Variants in RBFOX1 observed in about 807,000 individuals in gnomAD.
RBFOX1 encodes RNA binding protein fox-1 homolog 1.
A neutral mutation model predicts 57.7 loss-of-function variants in RBFOX1; 8 were observed. The ratio of observed to expected loss-of-function variants is 0.14; its 90% CI spans 0.08 to 0.25. The LOEUF (loss-of-function observed/expected upper bound fraction) is 0.25. Ranked by LOEUF, RBFOX1 falls within the 10% of genes least tolerant of loss-of-function variation. RBFOX1 has a pLI of 1.00. For missense variants in RBFOX1, 611 were observed against 548.5 expected (o/e 1.11, Z -1.14); for synonymous variants, 326 against 222.4 (o/e 1.47, Z -4.15).
At chr16:7,562,878 GT>G (rs913717032) in intron 5 of RBFOX1, among the ~76,000 whole-genome samples, 1 of 152,198 alleles carries the variant, frequency 6.6e-6, no homozygotes, top group Non-Finnish European at 1.5e-5. Context: ...GAGGAAGAGA[GT>G]TTTAATCTCA....
chr16:7,705,819 GTCA>G (rs1173227380), intron 14 of RBFOX1, among the ~76,000 whole-genome samples: 6 of 152,142 alleles, frequency 3.9e-5, no homozygotes, highest in African/African-American at 1.4e-4. Context: ...TATTAGTGTA[GTCA>G]TCATGTGCAT....
chr16:5,888,152 C>T (rs888638467), intron 4 of RBFOX1, among the ~76,000 whole-genome samples: 9 of 152,132 alleles, frequency 5.9e-5, no homozygotes, highest in Admixed American at 6.6e-5. Flanking sequence ...CTTTCTCAGC[C>T]ACTGTGGTGT....
In RBFOX1 at chr16:6,097,076, C is replaced by T. The variant is rs925035238; in HGVS notation, c.-127+77084C>T. On this transcript the variant is annotated intron_variant, in intron 1 of 15. Coordinates refer to ENST00000550418, the MANE Select transcript of RBFOX1 (RefSeq NM_018723.4). The surrounding 1 kb of genome is among the most constrained non-coding windows in gnomAD (Gnocchi z 5.0). ...GGGGTGGTTTCCCCCATACTGTTGTCATGGTGGTGAGTAAGTCTTACTAGA... is the reference window on the plus strand; with the variant it reads ...GGGGTGGTTTCCCCCATACTGTTGTTATGGTGGTGAGTAAGTCTTACTAGA... Among the ~76,000 whole-genome samples, 1 of 152,118 alleles carries T rather than the reference C, an allele frequency of 6.6e-6. No individual in the cohort carries two copies. The highest frequency in any genetic ancestry group is 1.5e-5 in the Non-Finnish European group (1 of 68,030).
At chr16:5,826,639 A>C (rs1242590017) in intron 3 of RBFOX1, among the ~76,000 whole-genome samples, 1 of 152,228 alleles carries the variant, frequency 6.6e-6, no homozygotes, top group Non-Finnish European at 1.5e-5. Flanking sequence ...GCTAACCTCT[A>C]CTTTATGCTC....
chr16:7,395,434 G>C (rs1257868067), intron 4 of RBFOX1, among the ~76,000 whole-genome samples: 1 of 152,222 alleles, frequency 6.6e-6, no homozygotes, highest in Admixed American at 6.5e-5. Flanking sequence ...ATTAACTGTG[G>C]AGCCAGAAGT....
chr16:5,534,838 A>G (rs1312085903), intron 2 of RBFOX1, among the ~76,000 whole-genome samples: 2 of 152,202 alleles, frequency 1.3e-5, no homozygotes, highest in East Asian at 3.8e-4. Context: ...ACCTAACATC[A>G]ACTATCACAC....
chr16:7,709,179 C>G (rs746446537), intron 15 of RBFOX1, 48 bp downstream of exon 15: 4 of 1,522,416 alleles, frequency 2.6e-6, no homozygotes, highest in South Asian at 2.3e-5. Context: ...CCTCCCTTCC[C>G]TTTCCCCAGC....
intron 2 of RBFOX1, among the ~76,000 whole-genome samples, chr16:6,543,398 T>C (rs927422638): frequency 6.6e-6 from 1 of 152,144 alleles, no homozygotes; most frequent in African/African-American, 2.4e-5. Flanking sequence ...CCACTGAGAC[T>C]CTGCGCACCT....
chr16:5,365,998 A>G, intron 1 of RBFOX1: 1 of 500,248 alleles, frequency 2.0e-6, no homozygotes, highest in South Asian at 1.5e-5. Context: ...GTGAATTAGA[A>G]GGCAGTCCAA....
chr16:6,747,010 A>AG (rs1453839603), intron 3 of RBFOX1, among the ~76,000 whole-genome samples: 2 of 152,102 alleles, frequency 1.3e-5, no homozygotes, highest in East Asian at 3.9e-4. Flanking sequence ...CCCTCACCAC[A>AG]GATTATTGAG....
At chr16:6,015,767 C>G (rs2094989901), upstream of RBFOX1, among the ~76,000 whole-genome samples, 1 of 152,180 alleles carries the variant, frequency 6.6e-6, no homozygotes, top group South Asian at 2.1e-4. Context: ...AATGCTTTGC[C>G]TGACCTTCTG....
intron 4 of RBFOX1, among the ~76,000 whole-genome samples, chr16:7,437,095 C>T (rs377365914): frequency 6.6e-6 from 1 of 152,046 alleles, no homozygotes; most frequent in Non-Finnish European, 1.5e-5. Flanking sequence ...AATCTCCTGA[C>T]ACCAGAAAGC....
At chr16:6,195,025 G>A (rs2097170728) in intron 1 of RBFOX1, among the ~76,000 whole-genome samples, 3 of 152,056 alleles carry the variant, frequency 2.0e-5, no homozygotes, top group East Asian at 1.9e-4. Context: ...ATTACTCTAG[G>A]CCAGTTTTTC....
chr16:7,230,409 C>T (rs1225846788), intron 4 of RBFOX1, among the ~76,000 whole-genome samples: 1 of 152,108 alleles, frequency 6.6e-6, no homozygotes, highest in African/African-American at 2.4e-5. Context: ...CCATAGTTAA[C>T]TTATTCATCT....
At chr16:6,320,048 A>G (rs2081580349) in intron 2 of RBFOX1, among the ~76,000 whole-genome samples, 2 of 152,136 alleles carry the variant, frequency 1.3e-5, no homozygotes, top group Non-Finnish European at 2.9e-5. Context: ...CGTCAATTTC[A>G]AAAGCATACT....
intron 3 of RBFOX1, among the ~76,000 whole-genome samples, chr16:5,723,313 G>A (rs1223312336): frequency 1.3e-5 from 2 of 152,224 alleles, no homozygotes; most frequent in African/African-American, 2.4e-5. Flanking sequence ...AGCTTGGGAT[G>A]GATGGCATCT....
In RBFOX1 at chr16:6,625,742, C is replaced by G. The variant is rs541283412; in HGVS notation, c.-63-28861C>G. On this transcript the variant is annotated intron_variant, in intron 2 of 15. Transcript: ENST00000550418. ...TGTTATTTCCACCATATTTTTCAAT[C>G]CAGTGAGCCTCATTACATTTGCAAG... Among the ~76,000 whole-genome samples, 174 of 149,286 alleles carry G rather than the reference C, an allele frequency of 1.2e-3. 1 individual carries two copies. The highest frequency in any genetic ancestry group is 4.0e-3 in the African/African-American group (163 of 40,944).
At chr16:6,580,633 G>A (rs1161157228) in intron 2 of RBFOX1, among the ~76,000 whole-genome samples, 1 of 152,142 alleles carries the variant, frequency 6.6e-6, no homozygotes, top group African/African-American at 2.4e-5. Context: ...ACCAACCTTG[G>A]TTGATTCTTT....
chr16:7,637,532 T>C (rs539699725), intron 11 of RBFOX1, among the ~76,000 whole-genome samples: 18 of 152,206 alleles, frequency 1.2e-4, no homozygotes, highest in Non-Finnish European at 1.0e-4. Flanking sequence ...TTGATAGAAC[T>C]TCCATGGGTT....
Sources: gnomAD v4.1 joint callset for allele counts (sites outside exome capture counted in the v4.1 genomes callset) on GRCh38, gnomAD v4.1.1 for gene constraint, Gnocchi (gnomAD v3.1) non-coding constraint, MANE v1.5 for transcripts, NCBI Gene and HGNC (gene_info 2026-07-23, HGNC 2026-07-21) for gene names.